ZFHX3: variants seen among roughly 807,000 people sequenced by gnomAD.
ZFHX3 encodes the protein zinc finger homeobox 3.
Under a neutral mutation model 279.1 loss-of-function variants are expected in ZFHX3, and 42 were observed. That is an observed-to-expected ratio of 0.15 (90% CI 0.12 to 0.19). The LOEUF is 0.19. Among genes scored for constraint, ZFHX3 ranks in the 10% least tolerant of loss-of-function variants. ZFHX3 has a pLI of 1.00. For synonymous variants in ZFHX3, 2,293 were observed against 1,957.8 expected, an observed-to-expected ratio of 1.17 and a Z score of -4.52; for missense variants, 4,981 against 4,754.0, an observed-to-expected ratio of 1.05 and a Z score of -1.40.
intron 5 of ZFHX3, among the ~76,000 whole-genome samples, chr16:73,192,706 G>T (rs940585158): frequency 2.6e-5 from 4 of 152,196 alleles, no homozygotes; most frequent in Non-Finnish European, 5.9e-5. Context: ...CTAATCGCTC[G>T]TAATTGTCCT....
chr16:73,003,944 CTTT>C (rs35311786), intron 1 of ZFHX3, among the ~76,000 whole-genome samples: 2 of 139,568 alleles, frequency 1.4e-5, no homozygotes, highest in African/African-American at 2.6e-5. Flanking sequence ...AGGGTATTTG[CTTT>C]TTTTTTTTTT....
intron 1 of ZFHX3, among the ~76,000 whole-genome samples, chr16:73,876,882 T>A (rs2029964913): frequency 1.3e-5 from 2 of 151,994 alleles, no homozygotes; most frequent in Non-Finnish European, 2.9e-5. Context: ...ACCGTGTGGG[T>A]TCACGGTCCA....
chr16:73,765,559 C>T (rs1033557877), intron 1 of ZFHX3, among the ~76,000 whole-genome samples: 3 of 152,158 alleles, frequency 2.0e-5, no homozygotes, highest in Non-Finnish European at 2.9e-5. Context: ...GACTTTAAAT[C>T]AAACATCAGG....
intron 5 of ZFHX3, among the ~76,000 whole-genome samples, chr16:73,175,389 C>CAAAG (rs1343354045): frequency 2.6e-5 from 4 of 151,786 alleles, no homozygotes; most frequent in Non-Finnish European, 4.4e-5. Context: ...CCAAAACAAA[C>CAAAG]AAACAAACAA....
At position 72,890,466 on chromosome 16, in the gene ZFHX3, G is replaced by A. The variant is rs2038744793; in HGVS notation, c.3217-504C>T. Among the ~76,000 whole-genome samples, 3 of 150,986 alleles carry A rather than the reference G, an allele frequency of 2.0e-5. No homozygotes were observed. In the South Asian group the frequency reaches 6.3e-4, roughly 31 times the overall value. On this transcript the variant is annotated intron_variant, in intron 3 of 9. Transcript: ENST00000268489. ...AGTAGCAGCACGGTAATGGACTAAT[G>A]AGGTCTTCAACTGTGAGATTCCTTA...
intron 7 of ZFHX3, chr16:72,809,727 A>G (rs1402429250): frequency 2.0e-5 from 3 of 152,220 alleles, no homozygotes; most frequent in Admixed American, 2.0e-4. Context: ...TGACCTGCAC[A>G]TTATAACGTG....
chr16:73,408,019 C>G (rs1001278118), intron 3 of ZFHX3, among the ~76,000 whole-genome samples: 1 of 135,534 alleles, frequency 7.4e-6, no homozygotes, highest in African/African-American at 2.8e-5. Context: ...CTGGGGAGGC[C>G]AAGAGGAGGG....
intron 2 of ZFHX3, among the ~76,000 whole-genome samples, chr16:73,671,472 A>C (rs2052903468): frequency 6.6e-6 from 1 of 152,246 alleles, no homozygotes. Flanking sequence ...GTTGGTACCA[A>C]CAGGAGCCTT....
chr16:73,217,929 T>A (rs774024263), intron 5 of ZFHX3, among the ~76,000 whole-genome samples: 6 of 152,132 alleles, frequency 3.9e-5, no homozygotes, highest in Non-Finnish European at 7.4e-5. Flanking sequence ...GACACCAGGA[T>A]TGAAAAAAGC....
At chr16:73,770,792 C>A (rs1268163952) in intron 1 of ZFHX3, among the ~76,000 whole-genome samples, 1 of 152,214 alleles carries the variant, frequency 6.6e-6, no homozygotes, top group Non-Finnish European at 1.5e-5. Flanking sequence ...AAGCTACAAT[C>A]TGTATCTGAC....
chr16:73,046,828 C>T (rs115245868), intron 1 of ZFHX3, among the ~76,000 whole-genome samples: 6 of 148,686 alleles, frequency 4.0e-5, no homozygotes, highest in Non-Finnish European at 8.9e-5. Context: ...CAGGCAGAGC[C>T]ATCTGTTCTC....
At chr16:72,939,524 C>T (rs968253447) in intron 3 of ZFHX3, among the ~76,000 whole-genome samples, 4 of 152,238 alleles carry the variant, frequency 2.6e-5, no homozygotes, top group African/African-American at 7.2e-5. Context: ...CACAGACTCG[C>T]TCCCAAGGGC....
chr16:73,240,813 T>A (rs1208829611), intron 5 of ZFHX3, among the ~76,000 whole-genome samples: 1 of 152,184 alleles, frequency 6.6e-6, no homozygotes, highest in Non-Finnish European at 1.5e-5. Context: ...ATACATACTA[T>A]CAGGATATAC....
intron 3 of ZFHX3, among the ~76,000 whole-genome samples, chr16:72,921,364 C>T (rs150507032): frequency 1.3e-5 from 2 of 152,276 alleles, no homozygotes; most frequent in African/African-American, 4.8e-5. Flanking sequence ...AAAATGCTTG[C>T]GGCTTTCCTG....
At chr16:72,860,087 T>C (rs1456325679) in intron 4 of ZFHX3, among the ~76,000 whole-genome samples, 4 of 152,194 alleles carry the variant, frequency 2.6e-5, no homozygotes, top group Non-Finnish European at 5.9e-5. Flanking sequence ...CAACACTCCC[T>C]CAGCGTTCCA....
At chr16:73,213,681 A>C (rs946709277) in intron 5 of ZFHX3, among the ~76,000 whole-genome samples, 4 of 152,210 alleles carry the variant, frequency 2.6e-5, no homozygotes, top group Admixed American at 2.6e-4. Flanking sequence ...TATTTAAAAC[A>C]CGGGTGATGC....
At chr16:73,194,143 G>T (rs1968096433) in intron 5 of ZFHX3, among the ~76,000 whole-genome samples, 1 of 152,004 alleles carries the variant, frequency 6.6e-6, no homozygotes, top group Admixed American at 6.6e-5. Flanking sequence ...GAATTGCTGG[G>T]GTTCATAGAC....
intron 1 of ZFHX3, among the ~76,000 whole-genome samples, chr16:72,996,931 T>C (rs1359736954): frequency 6.6e-6 from 1 of 152,180 alleles, no homozygotes; most frequent in Non-Finnish European, 1.5e-5. Context: ...TGGTCAACCC[T>C]TGACCCCTAA....
intron 1 of ZFHX3, among the ~76,000 whole-genome samples, chr16:73,705,662 T>C (rs949345344): frequency 2.6e-5 from 4 of 152,200 alleles, no homozygotes; most frequent in Non-Finnish European, 2.9e-5. Flanking sequence ...ACTCACTGAG[T>C]TGCCCTGCCC....
Sources: gnomAD v4.1 joint callset for allele counts (sites outside exome capture counted in the v4.1 genomes callset) on GRCh38, gnomAD v4.1.1 for gene constraint, MANE v1.5 for transcripts, NCBI Gene and HGNC (gene_info 2026-07-23, HGNC 2026-07-21) for gene names.